Variants in TANC2 observed in about 807,000 individuals in gnomAD.
The protein encoded by TANC2 is protein TANC2.
In TANC2, 26 loss-of-function variants were observed where a neutral mutation model predicts 210.5. That is an observed-to-expected ratio of 0.12 (90% confidence interval 0.09 to 0.17). The LOEUF is 0.17. Ranked by LOEUF, TANC2 falls within the 10% of genes least tolerant of loss-of-function variation. The pLI is 1.00. For missense variants in TANC2, 2,129 were observed against 2,608.9 expected (o/e 0.82, Z 4.01); for synonymous variants, 931 against 967.1 (o/e 0.96, Z 0.69).
At chr17:63,182,401 A>G (rs1415133963) in intron 5 of TANC2, 6 of 242,422 alleles carry the variant, frequency 2.5e-5, no homozygotes, top group Non-Finnish European at 5.0e-5. Context: ...TAAATGGTGG[A>G]GGAGGAGTTG....
chr17:63,091,569 T>C (rs2037195116), intron 3 of TANC2, among the ~76,000 whole-genome samples: 1 of 152,238 alleles, frequency 6.6e-6, no homozygotes, highest in South Asian at 2.1e-4. Context: ...CATTGGTCGA[T>C]ACCTCTGTTT....
chr17:63,244,502 C>G (rs1371487526), intron 8 of TANC2, among the ~76,000 whole-genome samples: 2 of 152,196 alleles, frequency 1.3e-5, no homozygotes, highest in Non-Finnish European at 2.9e-5. Flanking sequence ...AGTTTGCCCC[C>G]ATTTTAATTT....
At chr17:62,976,241 T>C (rs2031993933) in intron 1 of TANC2, among the ~76,000 whole-genome samples, 1 of 152,208 alleles carries the variant, frequency 6.6e-6, no homozygotes, top group Non-Finnish European at 1.5e-5. Context: ...TAGTGTTTCT[T>C]GAGATGCGCC....
intron 9 of TANC2, among the ~76,000 whole-genome samples, chr17:63,293,076 C>A (rs867399691): frequency 6.6e-6 from 1 of 152,066 alleles, no homozygotes; most frequent in Non-Finnish European, 1.5e-5. Flanking sequence ...TGTTTTAGGA[C>A]CTGATTCAAA....
At chr17:63,396,962 A>T (rs2147215516) in intron 18 of TANC2, 1 of 152,166 alleles carries the variant, frequency 6.6e-6, no homozygotes, top group East Asian at 1.9e-4. Flanking sequence ...ATCTACAATA[A>T]AATTTGAAAT....
chr17:63,358,425 A>T (rs1382448422), intron 14 of TANC2, among the ~76,000 whole-genome samples: 1 of 85,696 alleles, frequency 1.2e-5, no homozygotes, highest in Non-Finnish European at 2.6e-5. Context: ...GTGTGTGTGT[A>T]TCAAACTGTA....
chr17:63,166,778 A>G (rs1187287660), intron 5 of TANC2, among the ~76,000 whole-genome samples: 1 of 152,190 alleles, frequency 6.6e-6, no homozygotes, highest in Non-Finnish European at 1.5e-5. Context: ...GCAGATGGCT[A>G]CAAAAGCTTC....
intron 2 of TANC2, among the ~76,000 whole-genome samples, chr17:63,046,170 T>A (rs2035369453): frequency 6.6e-6 from 1 of 151,780 alleles, no homozygotes; most frequent in South Asian, 2.1e-4. Context: ...TAAATTCTTT[T>A]TTTTTTTGAG....
At chr17:63,191,454 T>G (rs2041180707) in intron 5 of TANC2, among the ~76,000 whole-genome samples, 1 of 151,654 alleles carries the variant, frequency 6.6e-6, no homozygotes, top group Non-Finnish European at 1.5e-5. Flanking sequence ...TATTCCCACC[T>G]TTTAAAAAAA....
chr17:63,403,499 T>A (rs1378274337), intron 19 of TANC2, among the ~76,000 whole-genome samples: 1 of 152,152 alleles, frequency 6.6e-6, no homozygotes, highest in Non-Finnish European at 1.5e-5. Flanking sequence ...TTTAGAAATA[T>A]GAACTTGAGA....
At chr17:63,187,384 G>A (rs1203866915) in intron 5 of TANC2, among the ~76,000 whole-genome samples, 1 of 152,094 alleles carries the variant, frequency 6.6e-6, no homozygotes, top group Admixed American at 6.5e-5. Context: ...AGTTAATATA[G>A]GTAAAATGCT....
At chr17:63,304,637 T>G (rs1166660666) in intron 9 of TANC2, among the ~76,000 whole-genome samples, 1 of 152,126 alleles carries the variant, frequency 6.6e-6, no homozygotes, top group African/African-American at 2.4e-5. Flanking sequence ...CTTTGCTGGG[T>G]AGGGGGCCTT....
intron 2 of TANC2, among the ~76,000 whole-genome samples, chr17:63,068,867 A>T (rs1269458655): frequency 6.6e-6 from 1 of 151,942 alleles, no homozygotes; most frequent in Non-Finnish European, 1.5e-5. Flanking sequence ...ATGATATAGT[A>T]TCATTACACT....
At chr17:63,027,299 G>A (rs1043413608) in intron 2 of TANC2, among the ~76,000 whole-genome samples, 1 of 151,914 alleles carries the variant, frequency 6.6e-6, no homozygotes, top group African/African-American at 2.4e-5. Flanking sequence ...AAATTTGAGA[G>A]TGCAACGAAG....
chr17:63,263,795 C>A (rs2146244646), intron 8 of TANC2, among the ~76,000 whole-genome samples: 1 of 152,252 alleles, frequency 6.6e-6, no homozygotes, highest in Admixed American at 6.5e-5. Context: ...TTATGCCAGG[C>A]ATAATGCATT....
chr17:63,324,479 A>G (rs1267613667), intron 11 of TANC2, among the ~76,000 whole-genome samples: 2 of 152,198 alleles, frequency 1.3e-5, no homozygotes, highest in East Asian at 3.9e-4. Flanking sequence ...AGCCAGAAAC[A>G]TGCACACACA....
At chr17:63,230,111 C>G (rs2042433394) in intron 7 of TANC2, among the ~76,000 whole-genome samples, 1 of 152,112 alleles carries the variant, frequency 6.6e-6, no homozygotes. Flanking sequence ...GTTTGTATTT[C>G]TGTGGGGTCA....
intron 2 of TANC2, among the ~76,000 whole-genome samples, chr17:63,029,705 T>C (rs1183253971): frequency 1.3e-5 from 2 of 152,128 alleles, no homozygotes; most frequent in African/African-American, 4.8e-5. Context: ...TTGTGATTCA[T>C]GATGGAGATA....
intron 4 of TANC2, among the ~76,000 whole-genome samples, chr17:63,100,287 G>C (rs546605743): frequency 6.6e-6 from 1 of 151,996 alleles, no homozygotes; most frequent in Non-Finnish European, 1.5e-5. Context: ...CTTTTTCACT[G>C]TTTATAATTT....
Sources: allele counts gnomAD v4.1 joint callset (sites outside exome capture counted in the v4.1 genomes callset), GRCh38; gene constraint gnomAD v4.1.1; transcripts MANE v1.5; gene names NCBI Gene and HGNC (gene_info 2026-07-23, HGNC 2026-07-21).